Variants in WWTR1 observed in about 807,000 individuals in gnomAD.
The protein encoded by WWTR1 is WW domain containing transcription regulator 1.
Under a neutral mutation model 40.1 loss-of-function variants are expected in WWTR1, and 13 were observed. The observed-to-expected ratio is 0.32, with a 90% CI of 0.21 to 0.52. The LOEUF is 0.52. Ranked by LOEUF, WWTR1 falls within the 20% of genes least tolerant of loss-of-function variation. WWTR1 has a pLI of 0.97. For synonymous variants in WWTR1, 230 were observed against 210.1 expected, an observed-to-expected ratio of 1.09 and a Z score of -0.82; for missense variants, 436 against 523.1, an observed-to-expected ratio of 0.83 and a Z score of 1.63.
At chr3:149,641,476 T>C (rs909483420) in intron 2 of WWTR1, among the ~76,000 whole-genome samples, 1 of 152,232 alleles carries the variant, frequency 6.6e-6, no homozygotes, top group Admixed American at 6.5e-5. Context: ...TTCCAATGCA[T>C]GTGCAACTGG....
chr3:149,622,494 G>A (rs3928164), intron 2 of WWTR1, among the ~76,000 whole-genome samples: 1,671 of 44,336 alleles, frequency 0.038, 27 homozygotes, highest in East Asian at 0.1. Context: ...AGGAAGGAAG[G>A]AAGGAAGGAA....
At chr3:149,683,172 C>A (rs907756797) in intron 1 of WWTR1, among the ~76,000 whole-genome samples, 1 of 152,152 alleles carries the variant, frequency 6.6e-6, no homozygotes, top group African/African-American at 2.4e-5. Flanking sequence ...CACAACCACC[C>A]TATGAAAGGG....
At chr3:149,618,984 G>C (rs1263952828) in intron 2 of WWTR1, among the ~76,000 whole-genome samples, 1 of 152,226 alleles carries the variant, frequency 6.6e-6, no homozygotes, top group Admixed American at 6.5e-5. Flanking sequence ...TATCCAGGCT[G>C]CTTGCCAAAC....
intron 5 of WWTR1, among the ~76,000 whole-genome samples, chr3:149,527,153 C>CTTTTT (rs755334881): frequency 2.3e-4 from 33 of 144,430 alleles, no homozygotes; most frequent in African/African-American, 4.7e-4. Flanking sequence ...CTTTTCTTTT[C>CTTTTT]TTTCTTTTTT....
At chr3:149,702,827 C>A (rs2108225260) in intron 1 of WWTR1, 1 of 152,172 alleles carries the variant, frequency 6.6e-6, no homozygotes, top group East Asian at 1.9e-4. Context: ...TCTGAGACTG[C>A]AAGGCTGTTG....
At chr3:149,672,998 A>C (rs961393181) in intron 1 of WWTR1, among the ~76,000 whole-genome samples, 9 of 152,180 alleles carry the variant, frequency 5.9e-5, no homozygotes, top group African/African-American at 2.2e-4. Flanking sequence ...ATGAAAAAGA[A>C]AAAGTATGAA....
chr3:149,520,755 G>T lies in WWTR1; in HGVS notation c.*50C>A, dbSNP rs1735001961. 6.9e-7 allele frequency: 1 copy of T among 1,455,018 alleles called. No homozygotes were observed. Among genetic ancestry groups the T allele is most frequent in the Non-Finnish European group, 9.1e-7 (1 of 1,101,598 alleles). 90.1% of individuals were successfully genotyped at this position (1,455,018 alleles called of 1,614,324 possible). On this transcript the variant is annotated 3_prime_UTR_variant, in exon 7 of 7. Coordinates refer to ENST00000360632, the MANE Select transcript of WWTR1 (RefSeq NM_015472.6). Reference sequence around the variant, plus strand: ...CTCTGCTCCATCACTTTTTCCAAGAGGCCCAGGAAATGTAAGGTCATGGCT... The same window carrying T: ...CTCTGCTCCATCACTTTTTCCAAGATGCCCAGGAAATGTAAGGTCATGGCT...
At chr3:149,532,595 T>C (rs1313183505) in intron 4 of WWTR1, among the ~76,000 whole-genome samples, 1 of 152,206 alleles carries the variant, frequency 6.6e-6, no homozygotes, top group Non-Finnish European at 1.5e-5. Context: ...ATGAAAATAC[T>C]TCCCTATTCC....
chr3:149,573,103 A>G, intron 2 of WWTR1, 103 bp from the exon 3 acceptor site: 4 of 1,260,664 alleles, frequency 3.2e-6, no homozygotes, highest in Admixed American at 2.5e-5. Flanking sequence ...TTCCCTTAGG[A>G]TCTGCTTGAG....
At chr3:149,606,813 GA>G (rs1461082857) in intron 2 of WWTR1, among the ~76,000 whole-genome samples, 2 of 152,200 alleles carry the variant, frequency 1.3e-5, no homozygotes, top group Non-Finnish European at 2.9e-5. Flanking sequence ...GACTTACCAG[GA>G]ATTAACTAGA....
At chr3:149,601,591 C>A (rs1226393495) in intron 2 of WWTR1, among the ~76,000 whole-genome samples, 1 of 152,186 alleles carries the variant, frequency 6.6e-6, no homozygotes, top group Non-Finnish European at 1.5e-5. Context: ...CCCTTGGGAA[C>A]TTCCTAATAC....
chr3:149,578,166 A>T (rs911970590), intron 2 of WWTR1, among the ~76,000 whole-genome samples: 2 of 151,868 alleles, frequency 1.3e-5, no homozygotes, highest in Admixed American at 6.6e-5. Context: ...CTACTGCCAG[A>T]CTCTGTGGGC....
At chr3:149,618,976 T>A (rs952577684) in intron 2 of WWTR1, among the ~76,000 whole-genome samples, 5 of 152,126 alleles carry the variant, frequency 3.3e-5, no homozygotes, top group African/African-American at 1.2e-4. Context: ...CCCAGAGATA[T>A]CCAGGCTGCT....
At chr3:149,524,948 CTAGAATATCTTCT>C (rs1735228005) in intron 6 of WWTR1, among the ~76,000 whole-genome samples, 1 of 152,170 alleles carries the variant, frequency 6.6e-6, no homozygotes, top group Admixed American at 6.5e-5. Context: ...ATTTTTGGTT[CTAGAATATCTTCT>C]TAGAGTTTAT....
At chr3:149,680,636 C>T (rs897438819) in intron 1 of WWTR1, among the ~76,000 whole-genome samples, 4 of 151,420 alleles carry the variant, frequency 2.6e-5, no homozygotes, top group African/African-American at 4.9e-5. Flanking sequence ...GAGTTTGAGA[C>T]CAGCCTAGGC....
intron 4 of WWTR1, among the ~76,000 whole-genome samples, chr3:149,533,155 C>A (rs1013543790): frequency 1.3e-5 from 2 of 152,196 alleles, no homozygotes; most frequent in African/African-American, 4.8e-5. Context: ...TCCAAACAAA[C>A]CTTCAGTTTC....
chr3:149,565,798 C>A (rs893273373), intron 3 of WWTR1, among the ~76,000 whole-genome samples: 8 of 151,828 alleles, frequency 5.3e-5, no homozygotes, highest in Non-Finnish European at 1.2e-4. Flanking sequence ...GTAATCCCAG[C>A]TACTTGGGAG....
At chr3:149,625,805 G>T (rs1029443485) in intron 2 of WWTR1, among the ~76,000 whole-genome samples, 2 of 150,788 alleles carry the variant, frequency 1.3e-5, no homozygotes, top group South Asian at 2.1e-4. Context: ...AAAAAAAAGC[G>T]GAAATTAGCA....
intron 1 of WWTR1, among the ~76,000 whole-genome samples, chr3:149,682,366 TA>T (rs1224108023): frequency 2.0e-5 from 3 of 152,212 alleles, no homozygotes; most frequent in Admixed American, 2.0e-4. Context: ...GTGAATGTAT[TA>T]AATTGATAAA....
Sources: gnomAD v4.1 joint callset for allele counts (sites outside exome capture counted in the v4.1 genomes callset) on GRCh38, gnomAD v4.1.1 for gene constraint, MANE v1.5 for transcripts, NCBI Gene and HGNC (gene_info 2026-07-23, HGNC 2026-07-21) for gene names.